MTMR9: variants seen among roughly 807,000 people sequenced by gnomAD.
The protein encoded by MTMR9 is myotubularin-related protein 9.
MTMR9 carries 39 observed loss-of-function variants against 69.5 expected under a neutral mutation model. The observed-to-expected ratio is 0.56, with a 90% CI of 0.43 to 0.73. The LOEUF is 0.73. Among genes scored for constraint, MTMR9 ranks in the 30% least tolerant of loss-of-function variants. MTMR9 has a pLI of 0.00. For synonymous variants in MTMR9, 354 were observed against 240.8 expected, an observed-to-expected ratio of 1.47 and a Z score of -4.35; for missense variants, 900 against 671.2, an observed-to-expected ratio of 1.34 and a Z score of -3.77.
chr8:11,337,392 C>T, the MTMR9 span, among the ~76,000 whole-genome samples: 7 of 152,208 alleles, frequency 4.6e-5, no homozygotes, highest in African/African-American at 9.7e-5. Flanking sequence ...GATATCTTAA[C>T]GTTCTCCAGA....
At chr8:11,315,327 G>T (rs1005702045) in intron 7 of MTMR9, among the ~76,000 whole-genome samples, 1 of 152,194 alleles carries the variant, frequency 6.6e-6, no homozygotes, top group African/African-American at 2.4e-5. Context: ...AGAATGGGAA[G>T]CATAGTGCAA....
chr8:11,308,051 C>T (rs545369351), intron 5 of MTMR9, among the ~76,000 whole-genome samples: 1 of 152,270 alleles, frequency 6.6e-6, no homozygotes, highest in South Asian at 2.1e-4. Flanking sequence ...TTTGTTCAGT[C>T]TCATTTGTCT....
chr8:11,321,329 C>T (rs1179941214), intron 9 of MTMR9: 1 of 445,402 alleles, frequency 2.2e-6, no homozygotes, highest in Non-Finnish European at 4.5e-6. Context: ...GGTTCATGAT[C>T]TCTTAAACGA....
chr8:11,316,263 T>C (rs1800410302), intron 7 of MTMR9: 1 of 153,830 alleles, frequency 6.5e-6, no homozygotes, highest in Admixed American at 6.5e-5. Flanking sequence ...TTGTTTAGTG[T>C]ACAGCACAAT....
chr8:11,336,480 C>G, the MTMR9 span, among the ~76,000 whole-genome samples: 1 of 152,216 alleles, frequency 6.6e-6, no homozygotes, highest in African/African-American at 2.4e-5. Flanking sequence ...TATGCCCAGT[C>G]TGAAAGGTGT....
chr8:11,300,073 T>G lies in MTMR9; in HGVS notation c.342T>G (p.Arg114=), dbSNP rs754447005. Residue 114 remains arginine, a synonymous_variant, in exon 3 of 10, where the codon CGT becomes CGG. Transcript: ENST00000221086. ...SITLMYPFFY[R]PMFEVIEDGW... ...CTCTGATGTACCCTTTCTTTTACCG[T>G]CCTATGTTTGAAGTGATAGAAGATG... 1.9e-6 allele frequency: 3 copies of G among 1,613,594 alleles called. No homozygotes were observed. The highest frequency in any genetic ancestry group is 2.5e-6 in the Non-Finnish European group (3 of 1,179,726).
At chr8:11,288,289 A>G (rs1209343070) in intron 1 of MTMR9, among the ~76,000 whole-genome samples, 2 of 140,302 alleles carry the variant, frequency 1.4e-5, no homozygotes, top group Non-Finnish European at 3.0e-5. Flanking sequence ...ATAATATAGC[A>G]TATAATATAT....
At chr8:11,285,519 T>A (rs1399736597) in intron 1 of MTMR9, among the ~76,000 whole-genome samples, 1 of 152,204 alleles carries the variant, frequency 6.6e-6, no homozygotes, top group African/African-American at 2.4e-5. Context: ...AGAACCATTT[T>A]TTTAATTTCT....
chr8:11,288,340 ATATATT>A (rs1484144346), intron 1 of MTMR9, among the ~76,000 whole-genome samples: 1 of 140,252 alleles, frequency 7.1e-6, no homozygotes, highest in Non-Finnish European at 1.5e-5. Flanking sequence ...TAAATATATA[ATATATT>A]TATATATATA....
chr8:11,295,139 A>G (rs1563267616), intron 1 of MTMR9, 55 bp from the exon 2 acceptor site: 2 of 883,910 alleles, frequency 2.3e-6, no homozygotes, highest in East Asian at 2.5e-5. Flanking sequence ...AAATAATAAT[A>G]TATTTAAAGT....
rs77588966 is a variant in MTMR9, at chr8:11,310,446, C to A, written c.971+758C>A. On this transcript the variant is annotated intron_variant, in intron 6 of 9. Coordinates refer to ENST00000221086, the MANE Select transcript of MTMR9 (RefSeq NM_015458.4). ...CTTTAACTTGTTTTATTGATGCTTC[C>A]AAATTAGGGAAATATATACCTAATT... is the stretch of plus-strand genomic sequence containing the variant. Among the ~76,000 whole-genome samples, 1,052 of 152,184 alleles carry A rather than the reference C, an allele frequency of 6.9e-3. 10 individuals carry two copies. The highest frequency in any genetic ancestry group is 0.024 in the African/African-American group (1,004 of 41,506).
At chr8:11,289,930 TACTC>T (rs1799320494) in intron 1 of MTMR9, among the ~76,000 whole-genome samples, 1 of 152,160 alleles carries the variant, frequency 6.6e-6, no homozygotes, top group Non-Finnish European at 1.5e-5. Flanking sequence ...CTGGTAAACA[TACTC>T]ATTCATGTCC....
chr8:11,319,995 C>G (rs1158525133), intron 9 of MTMR9, 157 bp downstream of exon 9: 2 of 604,742 alleles, frequency 3.3e-6, no homozygotes, highest in Non-Finnish European at 5.2e-6. Flanking sequence ...TTTTCTCTTT[C>G]AAATCAGTTA....
downstream of MTMR9, chr8:11,331,989 A>G (rs752967422): frequency 8.1e-6 from 13 of 1,611,818 alleles, no homozygotes; most frequent in Non-Finnish European, 1.0e-5. Flanking sequence ...TGTGGCCCTT[A>G]TACTGCAGTA....
intron 3 of MTMR9, among the ~76,000 whole-genome samples, chr8:11,304,536 T>C (rs779981647): frequency 1.3e-5 from 2 of 152,198 alleles, no homozygotes; most frequent in Non-Finnish European, 2.9e-5. Flanking sequence ...AGGGAACTTG[T>C]ACGGTGTTGT....
downstream of MTMR9, among the ~76,000 whole-genome samples, chr8:11,329,777 C>T (rs1297550333): frequency 1.3e-5 from 2 of 151,994 alleles, no homozygotes; most frequent in Non-Finnish European, 2.9e-5. Flanking sequence ...GGCCACCCAT[C>T]GTCTGGGATG....
rs375423545 is a variant in MTMR9 at position 11,322,880 on chromosome 8, T to C, written c.*92T>C. 578 of 1,219,252 alleles carry C rather than the reference T, an allele frequency of 4.7e-4. 8 individuals carry two copies. The South Asian group carries it at 8.5e-3, about 18-fold the overall frequency. 75.5% of individuals were successfully genotyped at this position (1,219,252 alleles called of 1,614,324 possible). On this transcript the variant is annotated 3_prime_UTR_variant, in exon 10 of 10. Coordinates refer to ENST00000221086, the MANE Select transcript of MTMR9 (RefSeq NM_015458.4). ...TTCAGTTCACTTTTACACGGTAGCC[T>C]TGAAGTGAAGGCTTTAGATGTGGGA...
chr8:11,322,772 T>G lies in MTMR9; in HGVS notation c.1634T>G (p.Met545Arg), dbSNP rs1331589105. The change falls in exon 10 of 10, where the codon ATG becomes AGG. Residue 545 changes from methionine to arginine, a missense_variant. Coordinates refer to ENST00000221086, the MANE Select transcript of MTMR9 (RefSeq NM_015458.4). ...QLAELETEDG[M>R]QESP ...GCAGAACTGGAAACAGAGGACGGGA[T>G]GCAGGAGAGTCCCTGAAAGGTCTCC... 5 of 1,613,852 alleles carry G rather than the reference T, an allele frequency of 3.1e-6. No homozygotes were observed. In the East Asian group the frequency reaches 1.1e-4, roughly 36 times the overall value.
At chr8:11,306,154 A>G (rs772462888) in intron 4 of MTMR9, 36 bp from the exon 5 acceptor site, 7 of 1,580,912 alleles carry the variant, frequency 4.4e-6, no homozygotes, top group Middle Eastern at 2.3e-4. Context: ...TTTAAAAGCA[A>G]CTGCTGTTGA....
Sources: gnomAD v4.1 joint callset for allele counts (sites outside exome capture counted in the v4.1 genomes callset) on GRCh38, gnomAD v4.1.1 for gene constraint, MANE v1.5 for transcripts, NCBI Gene and HGNC (gene_info 2026-07-23, HGNC 2026-07-21) for gene names.